Variants in WDFY4 observed in about 807,000 individuals in gnomAD.
The protein encoded by WDFY4 is WD repeat- and FYVE domain-containing protein 4.
Under a neutral mutation model 351.9 loss-of-function variants are expected in WDFY4, and 169 were observed. That is an observed-to-expected ratio of 0.48 (90% CI 0.42 to 0.55). WDFY4 has a LOEUF of 0.55. Among genes scored for constraint, WDFY4 ranks in the 20% least tolerant of loss-of-function variants. The pLI, the probability that WDFY4 is intolerant of heterozygous loss-of-function variation, is 0.00. For synonymous variants in WDFY4, 1,622 were observed against 1,574.6 expected, an observed-to-expected ratio of 1.03 and a Z score of -0.71; for missense variants, 3,803 against 3,935.6, an observed-to-expected ratio of 0.97 and a Z score of 0.90.
intron 3 of WDFY4, among the ~76,000 whole-genome samples, chr10:48,720,635 C>G (rs1386055971): frequency 1.3e-5 from 2 of 152,046 alleles, no homozygotes; most frequent in African/African-American, 4.8e-5. Flanking sequence ...CACACACACA[C>G]AGACACACTG....
chr10:48,805,318 T>C lies in WDFY4; in HGVS notation c.4543T>C (p.Phe1515Leu). 6.5e-7 allele frequency: 1 copy of C among 1,548,452 alleles called. No individual in the cohort carries two copies. Among genetic ancestry groups the C allele is most frequent in the Non-Finnish European group, 8.7e-7 (1 of 1,146,996 alleles). The change falls in exon 26 of 62, where the codon TTC becomes CTC. Residue 1515 changes from phenylalanine to leucine, a missense_variant. Transcript: ENST00000325239. Reference sequence around the variant, plus strand: ...GGCACAGCTTATACCCAAGCTCATCTTCCTATTCAATGAGCCGAGCCTCAT... The same window carrying C: ...GGCACAGCTTATACCCAAGCTCATCCTCCTATTCAATGAGCCGAGCCTCAT... ...HQAQLIPKLI[F>L]LFNEPSLIPS...
intron 23 of WDFY4, among the ~76,000 whole-genome samples, chr10:48,794,018 C>T (rs762138354): frequency 6.6e-6 from 1 of 152,106 alleles, no homozygotes; most frequent in Non-Finnish European, 1.5e-5. Context: ...CTTCCAGGAG[C>T]TGGTCTGGGT....
Position 48,787,807 on chromosome 10 carries a change from C to CTCTTCTTCTTCTTCTTCT in WDFY4, c.3809-688_3809-671dup, listed in dbSNP as rs1555010319. On this transcript the variant is annotated intron_variant, in intron 20 of 61. Coordinates refer to ENST00000325239, the MANE Select transcript of WDFY4 (RefSeq NM_001394531.1). ...CCTCTTCCTCCTCCTCCTCCTCCTC[C>CTCTTCTTCTTCTTCTTCT]TCTTCTTCTTCTTCTTCTTCTTCTT... Among the ~76,000 whole-genome samples the CTCTTCTTCTTCTTCTTCT allele has an allele frequency of 1.3e-4, 10 of 76,744 alleles. 1 individual carries two copies. Among genetic ancestry groups the CTCTTCTTCTTCTTCTTCT allele is most frequent in the African/African-American group, 4.4e-4 (7 of 15,852 alleles). The allele number at this position is 76,744 out of a possible 152,430, so 50.3% of individuals were successfully genotyped here.
chr10:48,805,219 T>G (rs368417972), intron 25 of WDFY4, 41 bp from the exon 26 acceptor site: 2 of 1,517,924 alleles, frequency 1.3e-6, no homozygotes. Flanking sequence ...TTTGGTTCAT[T>G]CCAGTAAAAG....
chr10:48,787,883 TTCTTCTTCTCCTTCTTCTTCTTCTTC>T (rs1481192728), intron 20 of WDFY4, among the ~76,000 whole-genome samples: 36 of 90,068 alleles, frequency 4.0e-4, no homozygotes, highest in African/African-American at 1.7e-3. Context: ...TCTTTCTTTC[TTCTTCTTCTCCTTCTTCTTCTTCTTC>T]TTCTTCTTCT....
chr10:48,790,018 G>A (rs41282005), intron 22 of WDFY4, 33 bp downstream of exon 22: 60,413 of 1,546,094 alleles, frequency 0.039, 1,995 homozygotes, highest in East Asian at 0.16. Flanking sequence ...GCCGCTATTT[G>A]GGAAGCAGGG....
chr10:48,820,094 G>T (rs2067764490), intron 32 of WDFY4, 140 bp from the exon 33 acceptor site: 1 of 889,392 alleles, frequency 1.1e-6, no homozygotes, highest in Admixed American at 2.5e-5. Flanking sequence ...TCCTGGGCAA[G>T]TTGCTTTCCT....
At chr10:48,756,829 T>C (rs1589531877) in intron 12 of WDFY4, among the ~76,000 whole-genome samples, 1 of 152,108 alleles carries the variant, frequency 6.6e-6, no homozygotes, top group East Asian at 1.9e-4. Context: ...TATATGTAGC[T>C]AGGTATTATT....
At chr10:48,900,053 C>T (rs1335444101) in intron 45 of WDFY4, among the ~76,000 whole-genome samples, 168 bp from the exon 46 acceptor site, 2 of 152,178 alleles carry the variant, frequency 1.3e-5, no homozygotes, top group Non-Finnish European at 2.9e-5. Flanking sequence ...GCAGAAGCAC[C>T]CCATCCCTGT....
intron 13 of WDFY4, among the ~76,000 whole-genome samples, chr10:48,767,954 G>A (rs2065725248): frequency 6.6e-6 from 1 of 152,152 alleles, no homozygotes; most frequent in Non-Finnish European, 1.5e-5. Flanking sequence ...GGGCAGGCAG[G>A]CTCTCTACAG....
At chr10:48,755,781 C>T (rs1235408319) in intron 12 of WDFY4, among the ~76,000 whole-genome samples, 2 of 152,090 alleles carry the variant, frequency 1.3e-5, no homozygotes, top group Admixed American at 6.6e-5. Flanking sequence ...TGCAAGCTCT[C>T]CAAAGATATT....
chr10:48,712,527 C>T (rs2063793898), intron 2 of WDFY4, among the ~76,000 whole-genome samples: 1 of 152,232 alleles, frequency 6.6e-6, no homozygotes, highest in Non-Finnish European at 1.5e-5. Flanking sequence ...TTAAGTCCTA[C>T]ATGCCTATGA....
intron 47 of WDFY4, among the ~76,000 whole-genome samples, chr10:48,926,754 T>A (rs971211967): frequency 6.6e-6 from 1 of 152,196 alleles, no homozygotes; most frequent in Non-Finnish European, 1.5e-5. Flanking sequence ...CATTTAACTG[T>A]AAGAGCTTGG....
intron 19 of WDFY4, among the ~76,000 whole-genome samples, chr10:48,783,106 A>T (rs540168817): frequency 6.6e-6 from 1 of 152,188 alleles, no homozygotes; most frequent in Non-Finnish European, 1.5e-5. Flanking sequence ...GAAATTCTGT[A>T]AACTCTCATT....
chr10:48,947,133 C>T (rs3750866), intron 51 of WDFY4, among the ~76,000 whole-genome samples, 164 bp downstream of exon 51: 7,073 of 152,244 alleles, frequency 0.046, 542 homozygotes, highest in African/African-American at 0.16. Context: ...AGGATTCTGG[C>T]TCACCAGCCA....
At chr10:48,713,791 C>T (rs1003096254) in intron 2 of WDFY4, among the ~76,000 whole-genome samples, 4 of 152,208 alleles carry the variant, frequency 2.6e-5, no homozygotes, top group Non-Finnish European at 4.4e-5. Context: ...TCCAACCTAG[C>T]CTCTACCCCT....
At chr10:48,898,993 G>T (rs1294159036) in intron 45 of WDFY4, among the ~76,000 whole-genome samples, 1 of 151,972 alleles carries the variant, frequency 6.6e-6, no homozygotes, top group Non-Finnish European at 1.5e-5. Context: ...GCACAAAATA[G>T]GTACTCAAAA....
chr10:48,884,196 A>T (rs970731933), intron 43 of WDFY4: 1 of 152,196 alleles, frequency 6.6e-6, no homozygotes, highest in African/African-American at 2.4e-5. Flanking sequence ...TCAAAGGGAA[A>T]GACATTTTCC....
At chr10:48,806,503 T>C (rs2067261546) in intron 27 of WDFY4, among the ~76,000 whole-genome samples, 1 of 152,128 alleles carries the variant, frequency 6.6e-6, no homozygotes, top group Non-Finnish European at 1.5e-5. Flanking sequence ...TGCTCTTCAC[T>C]CAAGGGAAAT....
Sources: allele counts gnomAD v4.1 joint callset (sites outside exome capture counted in the v4.1 genomes callset), GRCh38; gene constraint gnomAD v4.1.1; transcripts MANE v1.5; gene names NCBI Gene and HGNC (gene_info 2026-07-23, HGNC 2026-07-21).